The following NRDC variants were observed in gnomAD, a reference collection of about 807,000 sequenced individuals.
NRDC encodes nardilysin.
In NRDC, 54 loss-of-function variants were observed where a neutral mutation model predicts 147.1. The observed-to-expected ratio is 0.37, with a 90% CI of 0.29 to 0.46. NRDC has a LOEUF of 0.46. Among genes scored for constraint, NRDC ranks in the 20% least tolerant of loss-of-function variants. NRDC has a pLI of 1.00. For missense variants in NRDC, 1,082 were observed against 1,370.6 expected, an observed-to-expected ratio of 0.79 and a Z score of 3.33; for synonymous variants, 440 against 482.1, an observed-to-expected ratio of 0.91 and a Z score of 1.14.
chr1:51,796,799 G>C (rs1466900142), intron 22 of NRDC, among the ~76,000 whole-genome samples: 1 of 146,580 alleles, frequency 6.8e-6, no homozygotes, highest in Non-Finnish European at 1.5e-5. Flanking sequence ...TGTTGGCCAG[G>C]TTGGTCTCGA....
At chr1:51,813,705 C>T (rs1168040014) in intron 14 of NRDC, among the ~76,000 whole-genome samples, 1 of 152,188 alleles carries the variant, frequency 6.6e-6, no homozygotes, top group African/African-American at 2.4e-5. Flanking sequence ...AATGTCTTCA[C>T]AATATTTGAA....
intron 28 of NRDC, 40 bp downstream of exon 28, chr1:51,790,860 G>T: frequency 6.6e-7 from 1 of 1,525,366 alleles, no homozygotes; most frequent in Non-Finnish European, 9.0e-7. Context: ...CTGGGGGCTT[G>T]TGTGGGCCAA....
intron 1 of NRDC, among the ~76,000 whole-genome samples, chr1:51,844,109 C>T (rs546754999): frequency 6.6e-6 from 1 of 152,188 alleles, no homozygotes; most frequent in South Asian, 2.1e-4. Flanking sequence ...TGTTTCCATT[C>T]TAACCTCAAT....
At chr1:51,827,564 A>G (rs1465316369) in intron 5 of NRDC, among the ~76,000 whole-genome samples, 1 of 152,160 alleles carries the variant, frequency 6.6e-6, no homozygotes, top group Non-Finnish European at 1.5e-5. Context: ...CTATGGTAAA[A>G]CCTTCGAAAA....
intron 1 of NRDC, among the ~76,000 whole-genome samples, chr1:51,857,605 G>A (rs1236939497): frequency 1.3e-5 from 2 of 152,176 alleles, no homozygotes; most frequent in South Asian, 4.1e-4. Context: ...TCTGAAGCTC[G>A]ACAGATTTCT....
chr1:51,844,752 T>C (rs1420663467), intron 1 of NRDC, among the ~76,000 whole-genome samples: 2 of 123,176 alleles, frequency 1.6e-5, no homozygotes, highest in African/African-American at 6.0e-5. Flanking sequence ...AGAAAGGAAT[T>C]CCGGAAGGGA....
At chr1:51,830,785 G>A (rs1203015719) in intron 4 of NRDC, among the ~76,000 whole-genome samples, 1 of 152,166 alleles carries the variant, frequency 6.6e-6, no homozygotes, top group Non-Finnish European at 1.5e-5. Context: ...GGTAAAGACG[G>A]CTTCCATGCT....
At chr1:51,867,114 AC>A (rs1468998548) in intron 1 of NRDC, among the ~76,000 whole-genome samples, 3 of 152,166 alleles carry the variant, frequency 2.0e-5, no homozygotes, top group Non-Finnish European at 2.9e-5. Context: ...CACTGGGATT[AC>A]AGGCATCATG....
intron 1 of NRDC, among the ~76,000 whole-genome samples, chr1:51,843,855 C>T (rs545550901): frequency 6.7e-6 from 1 of 150,218 alleles, no homozygotes; most frequent in Admixed American, 6.6e-5. Context: ...CAGATACCAA[C>T]TCAGGTTGGG....
At chr1:51,864,286 G>T (rs1682695582) in intron 1 of NRDC, among the ~76,000 whole-genome samples, 1 of 152,176 alleles carries the variant, frequency 6.6e-6, no homozygotes, top group South Asian at 2.1e-4. Context: ...GATAAGGTAT[G>T]TAAAATCTCA....
At chr1:51,872,349 C>A (rs966469592) in intron 1 of NRDC, among the ~76,000 whole-genome samples, 8 of 152,156 alleles carry the variant, frequency 5.3e-5, no homozygotes, top group African/African-American at 9.7e-5. Flanking sequence ...CACACACACA[C>A]ACAACTTCAG....
At position 51,840,349 on chromosome 1, in the gene NRDC, TTCA is replaced by T. The variant is rs1281529741; in HGVS notation, c.504_506del (p.Asp168del). ...ACTCATCTTCATCATCAAAACCCTC[TTCA>T]TCGTCATCTTCTATTTCAGCTCCAG... On this transcript the variant is annotated inframe_deletion, in exon 2 of 31. Coordinates refer to ENST00000352171, the MANE Select transcript of NRDC (RefSeq NM_001101662.2). The T allele has an allele frequency of 2.6e-6, 4 of 1,532,140 alleles. No individual in the cohort carries two copies. Among genetic ancestry groups the T allele is most frequent in the East Asian group, 2.3e-5 (1 of 44,400 alleles). The allele number at this position is 1,532,140 out of a possible 1,614,324, so 94.9% of individuals were successfully genotyped here. A position where few individuals can be genotyped will look rare whatever the true frequency, so the allele number is the denominator to read the frequency against.
At chr1:51,838,207 C>A (rs1217070292) in intron 2 of NRDC, among the ~76,000 whole-genome samples, 1 of 152,138 alleles carries the variant, frequency 6.6e-6, no homozygotes, top group Non-Finnish European at 1.5e-5. Flanking sequence ...TTATATCACA[C>A]TGAGTTCTCA....
At chr1:51,840,639 C>G (rs1411390210) in intron 1 of NRDC, 125 bp from the exon 2 acceptor site, 1 of 660,050 alleles carries the variant, frequency 1.5e-6, no homozygotes, top group Non-Finnish European at 2.5e-6. Context: ...ACACACACAA[C>G]TATTTGTAAA....
chr1:51,861,933 C>T (rs1682563923), intron 1 of NRDC, among the ~76,000 whole-genome samples: 1 of 152,106 alleles, frequency 6.6e-6, no homozygotes, highest in Non-Finnish European at 1.5e-5. Flanking sequence ...GAAACTTCGA[C>T]GACTCAGGAA....
intron 3 of NRDC, among the ~76,000 whole-genome samples, chr1:51,835,383 C>T (rs1680908809): frequency 6.6e-6 from 1 of 151,342 alleles, no homozygotes; most frequent in African/African-American, 2.4e-5. Context: ...TATTTAGGTA[C>T]ATTCCAAATT....
chr1:51,815,179 T>G (rs1174480455), intron 11 of NRDC, among the ~76,000 whole-genome samples: 2 of 35,152 alleles, frequency 5.7e-5, no homozygotes, highest in African/African-American at 1.3e-4. Context: ...CTTACCTTTT[T>G]TTCTTTTTTT....
intron 7 of NRDC, among the ~76,000 whole-genome samples, chr1:51,822,193 G>A (rs1293111027): frequency 6.6e-6 from 1 of 152,074 alleles, no homozygotes; most frequent in Non-Finnish European, 1.5e-5. Flanking sequence ...CATCATTGAA[G>A]AGTATTTGTT....
intron 17 of NRDC, among the ~76,000 whole-genome samples, chr1:51,809,111 C>T (rs1471639854): frequency 1.3e-5 from 2 of 152,214 alleles, no homozygotes; most frequent in East Asian, 3.8e-4. Context: ...TATTCACCAA[C>T]TGAATAGTCT....
Sources: allele counts gnomAD v4.1 joint callset (sites outside exome capture counted in the v4.1 genomes callset), GRCh38; gene constraint gnomAD v4.1.1; transcripts MANE v1.5; gene names NCBI Gene and HGNC (gene_info 2026-07-23, HGNC 2026-07-21).